Variants in CELF6 observed in about 807,000 individuals in gnomAD.
CELF6 encodes the protein Bruno -like 6, RNA binding protein.
A neutral mutation model predicts 53.1 loss-of-function variants in CELF6; 32 were observed. The ratio of observed to expected loss-of-function variants is 0.60; its 90% CI spans 0.46 to 0.81. The LOEUF is 0.81. CELF6 is among the 30% of genes least tolerant of loss of function. CELF6 has a pLI of 0.00. For synonymous variants in CELF6, 291 were observed against 288.8 expected, an observed-to-expected ratio of 1.01 and a Z score of -0.08; for missense variants, 539 against 669.5, an observed-to-expected ratio of 0.81 and a Z score of 2.15.
chr15:72,300,891 G>A (rs977759728), intron 3 of CELF6, among the ~76,000 whole-genome samples: 1 of 151,844 alleles, frequency 6.6e-6, no homozygotes, highest in Non-Finnish European at 1.5e-5. Context: ...TATGGCAGAT[G>A]GAAAAAGAAG....
Position 72,289,277 on chromosome 15 carries a change from G to C in CELF6, c.891C>G (p.Ser297=), listed in dbSNP as rs768994343. The change falls in exon 8 of 13, where the codon TCC becomes TCG. Residue 297 remains serine (S), a synonymous_variant. Transcript: ENST00000287202. This position sits in a 1 kb window ranked among gnomAD's most constrained non-coding sequence, Gnocchi z 7.6. Reference sequence around the variant, plus strand: ...GGGTGCCAGGGCCGCTGCCAGGCGGGGAGTTGGCTGCTGATGGCGGAAAAG... The same window carrying C: ...GGGTGCCAGGGCCGCTGCCAGGCGGCGAGTTGGCTGCTGATGGCGGAAAAG... ...APLLPAAAAN[S]PPGSGPGTLP... The C allele has an allele frequency of 2.5e-6, 4 of 1,574,456 alleles. No individual in the cohort carries two copies. The South Asian group carries it at 3.5e-5, about 14-fold the overall frequency.
At chr15:72,303,602 C>A (rs974677460) in intron 3 of CELF6, among the ~76,000 whole-genome samples, 2 of 152,112 alleles carry the variant, frequency 1.3e-5, no homozygotes, top group African/African-American at 2.4e-5. Flanking sequence ...TGAACTCGGG[C>A]AGCTTCTTTC....
At chr15:72,310,202 C>T (rs545757699) in intron 2 of CELF6, among the ~76,000 whole-genome samples, 1 of 152,198 alleles carries the variant, frequency 6.6e-6, no homozygotes, top group Admixed American at 6.5e-5. Flanking sequence ...TTTATCAGAA[C>T]CTTCTTGAGG....
intron 2 of CELF6, among the ~76,000 whole-genome samples, chr15:72,310,404 A>G (rs1021196256): frequency 6.6e-6 from 1 of 151,996 alleles, no homozygotes; most frequent in East Asian, 1.9e-4. Context: ...CTAACCTCTT[A>G]TCTCCTTTCC....
Position 72,320,053 on chromosome 15 carries a change from A to AGGGGCGGGGCCGGGGC in CELF6, c.-195_-180dup, listed in dbSNP as rs1567287909. 2 of 166,022 alleles carry AGGGGCGGGGCCGGGGC rather than the reference A, an allele frequency of 1.2e-5. No homozygotes were observed. Among genetic ancestry groups the AGGGGCGGGGCCGGGGC allele is most frequent in the South Asian group, 3.0e-5 (1 of 33,736 alleles). The allele number at this position is 166,022 out of a possible 1,614,324, so 10.3% of individuals were successfully genotyped here. On this transcript the variant is annotated 5_prime_UTR_variant, in exon 1 of 13. Transcript: ENST00000287202. ...GTAGAGGGGGTGGGGCGGGCAGGAA[A>AGGGGCGGGGCCGGGGC]GGGGCGGGGCCGGGGCGGGGCGGGC...
chr15:72,304,842 C>T, intron 2 of CELF6, 48 bp from the exon 3 acceptor site: 4 of 1,589,642 alleles, frequency 2.5e-6, no homozygotes, highest in Non-Finnish European at 3.5e-6. Flanking sequence ...CTGCCTGGTC[C>T]TGGAGCCCCC....
chr15:72,311,338 A>G (rs1206599676), intron 2 of CELF6, among the ~76,000 whole-genome samples: 3 of 150,748 alleles, frequency 2.0e-5, no homozygotes, highest in Non-Finnish European at 3.0e-5. Context: ...TCCCTCCCCA[A>G]TTCTGGTCTC....
At position 72,290,239 on chromosome 15, in the gene CELF6, A is replaced by G. The variant is rs927128902; in HGVS notation, c.411T>C (p.Phe137=). The G allele has an allele frequency of 3.1e-6, 5 of 1,612,952 alleles. No individual in the cohort carries two copies. Among genetic ancestry groups the G allele is most frequent in the Non-Finnish European group, 4.2e-6 (5 of 1,179,578 alleles). ...CCTGCTGCTTGCCCAGCATCCCCAC[A>G]AACAGCTTTCGGTCCTCTGGGGACA... The part of the protein sequence containing the change: ...SEGRGEDRKL[F]VGMLGKQQGE... The change falls in exon 4 of 13, where the codon TTT becomes TTC. Residue 137 remains phenylalanine (F), a synonymous_variant. Coordinates refer to ENST00000287202, the MANE Select transcript of CELF6 (RefSeq NM_052840.5).
intron 3 of CELF6, among the ~76,000 whole-genome samples, chr15:72,301,327 C>G (rs1452800770): frequency 6.6e-6 from 1 of 151,986 alleles, no homozygotes; most frequent in African/African-American, 2.4e-5. Context: ...GGAGTCTCAT[C>G]CATTTAAGGT....
At position 72,319,759 on chromosome 15, in the gene CELF6, G is replaced by A; in HGVS notation, c.116C>T (p.Pro39Leu). The A allele has an allele frequency of 6.3e-7, 1 of 1,591,626 alleles. No homozygotes were observed. The highest frequency in any genetic ancestry group is 8.6e-7 in the Non-Finnish European group (1 of 1,168,256). ...MSGLNPGPAV[P>L]MKDHDAIKLF... is the part of the protein sequence containing the mutation. The stretch of plus-strand genomic sequence containing the variant: ...CTTGATGGCGTCGTGGTCCTTCATG[G>A]GTACGGCGGGACCGGGGTTTAGCCC... The change falls in exon 1 of 13, where the codon CCC becomes CTC. Residue 39 changes from proline to leucine, a missense_variant. Transcript: ENST00000287202. This position sits in a 1 kb window ranked among gnomAD's most constrained non-coding sequence, Gnocchi z 5.0.
At chr15:72,314,875 G>A (rs557457599) in intron 2 of CELF6, among the ~76,000 whole-genome samples, 43 of 152,230 alleles carry the variant, frequency 2.8e-4, no homozygotes, top group African/African-American at 1.0e-3. Flanking sequence ...GATTACAGGC[G>A]TGAGCCACCG....
rs550045481 is a variant in CELF6 at position 72,304,945 on chromosome 15, C to T, written c.346-151G>A. Reference sequence around the variant, plus strand: ...TCCAAACTGGGATTACAGATTTTCTCCAAGATTCCTTCCTTAAACCCAGGA... The same window carrying T: ...TCCAAACTGGGATTACAGATTTTCTTCAAGATTCCTTCCTTAAACCCAGGA... On this transcript the variant is annotated intron_variant, in intron 2 of 12. Coordinates refer to ENST00000287202, the MANE Select transcript of CELF6 (RefSeq NM_052840.5). The T allele has an allele frequency of 1.0e-5, 7 of 673,742 alleles. No individual in the cohort carries two copies. In the South Asian group the frequency reaches 1.3e-4, roughly 13 times the overall value. The allele number at this position is 673,742 out of a possible 1,614,324, so 41.7% of individuals were successfully genotyped here. A position where few individuals can be genotyped will look rare whatever the true frequency, so the allele number is the denominator to read the frequency against.
At chr15:72,311,405 C>CT (rs531976963) in intron 2 of CELF6, among the ~76,000 whole-genome samples, 21,454 of 138,532 alleles carry the variant, frequency 0.15, 4,831 homozygotes, top group African/African-American at 0.5. Flanking sequence ...CACCTTTTTT[C>CT]TTTTTTTTTT....
At position 72,289,943 on chromosome 15, in the gene CELF6, A is replaced by G. The variant is rs566167445; in HGVS notation, c.599T>C (p.Met200Thr). 2 of 1,566,554 alleles carry G rather than the reference A, an allele frequency of 1.3e-6. No individual in the cohort carries two copies. Among genetic ancestry groups the G allele is most frequent in the South Asian group, 2.3e-5 (2 of 85,578 alleles). ...GCCCAGGGAACCCGCCCTCACCGCC[A>G]TGGTCCGGCTGCCGTGCAGACCCCG... ...AIRGLHGSRT[M>T]AGASSSLVVK... The change falls in exon 5 of 13, where the codon ATG becomes ACG. Residue 200 changes from methionine (M) to threonine (T), a missense_variant. Coordinates refer to ENST00000287202, the MANE Select transcript of CELF6 (RefSeq NM_052840.5). The surrounding 1 kb of genome is among the most constrained non-coding windows in gnomAD (Gnocchi z 7.6).
chr15:72,316,711 T>C (rs8031264), intron 1 of CELF6, among the ~76,000 whole-genome samples: 13,707 of 152,156 alleles, frequency 0.09, 2,045 homozygotes, highest in African/African-American at 0.31. Context: ...TCAGGACCTG[T>C]AGCCTGCTAG....
chr15:72,301,046 C>T (rs2088149354), intron 3 of CELF6, among the ~76,000 whole-genome samples: 1 of 151,822 alleles, frequency 6.6e-6, no homozygotes, highest in Non-Finnish European at 1.5e-5. Flanking sequence ...TGCAGTAGCG[C>T]CATCTTAGCT....
chr15:72,306,680 G>A (rs2088235258), intron 2 of CELF6, among the ~76,000 whole-genome samples: 1 of 152,026 alleles, frequency 6.6e-6, no homozygotes, highest in Non-Finnish European at 1.5e-5. Flanking sequence ...CAGGCTGTGG[G>A]TGGGGGCGGA....
chr15:72,307,866 C>T (rs1002786125), intron 2 of CELF6, among the ~76,000 whole-genome samples: 1 of 152,186 alleles, frequency 6.6e-6, no homozygotes, highest in African/African-American at 2.4e-5. Flanking sequence ...CCTTGCAGGA[C>T]TGGGGTCATT....
intron 1 of CELF6, among the ~76,000 whole-genome samples, chr15:72,318,525 C>CA (rs1356944336): frequency 1.3e-5 from 2 of 152,256 alleles, no homozygotes; most frequent in African/African-American, 4.8e-5. Context: ...AAATCATCTC[C>CA]CCTTCTCCTG....
Sources: allele counts gnomAD v4.1 joint callset (sites outside exome capture counted in the v4.1 genomes callset), GRCh38; gene constraint gnomAD v4.1.1; non-coding constraint Gnocchi (gnomAD v3.1); transcripts MANE v1.5; gene names NCBI Gene and HGNC (gene_info 2026-07-23, HGNC 2026-07-21).